The following TBC1D14 variants were observed in gnomAD, a reference collection of about 807,000 sequenced individuals.
TBC1D14 encodes the protein TBC1 domain family member 14.
Under a neutral mutation model 79.0 loss-of-function variants are expected in TBC1D14, and 26 were observed. The ratio of observed to expected loss-of-function variants is 0.33; its 90% CI spans 0.24 to 0.46. The LOEUF is 0.46. Among genes scored for constraint, TBC1D14 ranks in the 20% least tolerant of loss-of-function variants. The probability of loss-of-function intolerance (pLI) is 1.00; values close to 1 mark genes in which losing one functional copy is unlikely to be tolerated. For synonymous variants in TBC1D14, 394 were observed against 349.9 expected (o/e 1.13, Z -1.40); for missense variants, 769 against 887.6 (o/e 0.87, Z 1.70).
At position 6,923,464 on chromosome 4, in the gene TBC1D14, C is replaced by G; in HGVS notation, c.75C>G (p.Asn25Lys). ...GTATTCTGGATGGTCGACCAGGAAA[C>G]CCCCTTCAGAACCTGCAACACGTCA... Reference protein sequence around the residue: ...FMGILDGRPGNPLQNLQHVNL... With the variant: ...FMGILDGRPGKPLQNLQHVNL... The change falls in exon 2 of 14, where the codon AAC becomes AAG. Residue 25 changes from asparagine to lysine, a missense_variant. By Grantham distance (94) the Asn-to-Lys change is moderately conservative. Coordinates refer to ENST00000409757, the MANE Select transcript of TBC1D14 (RefSeq NM_020773.3). 6.2e-7 allele frequency: 1 copy of G among 1,614,172 alleles called. No individual in the cohort carries two copies. The highest frequency in any genetic ancestry group is 8.5e-7 in the Non-Finnish European group (1 of 1,180,036).
intron 12 of TBC1D14, among the ~76,000 whole-genome samples, chr4:7,024,459 C>T (rs1026265064): frequency 2.6e-5 from 4 of 152,146 alleles, no homozygotes; most frequent in African/African-American, 4.8e-5. Flanking sequence ...GCAGACAGGG[C>T]GTTGGAATTC....
intron 1 of TBC1D14, among the ~76,000 whole-genome samples, chr4:6,921,080 A>G (rs1251768856): frequency 6.6e-6 from 1 of 152,176 alleles, no homozygotes; most frequent in African/African-American, 2.4e-5. Flanking sequence ...GCACCCGGCC[A>G]TTTTAAAGAA....
At chr4:6,971,487 G>A (rs1287386390) in intron 3 of TBC1D14, among the ~76,000 whole-genome samples, 1 of 152,198 alleles carries the variant, frequency 6.6e-6, no homozygotes, top group Admixed American at 6.5e-5. Flanking sequence ...CTATTTTGGG[G>A]AAATATTGAA....
chr4:7,011,051 TGAAG>T (rs1282529234), intron 11 of TBC1D14, among the ~76,000 whole-genome samples: 2 of 152,198 alleles, frequency 1.3e-5, no homozygotes, highest in Admixed American at 1.3e-4. Flanking sequence ...ATTCTTTTAA[TGAAG>T]GAAGAAGTGT....
intron 1 of TBC1D14, among the ~76,000 whole-genome samples, chr4:6,915,269 C>G (rs188926750): frequency 6.6e-6 from 1 of 152,196 alleles, no homozygotes; most frequent in Non-Finnish European, 1.5e-5. Context: ...CACCAGGAAA[C>G]ATGGGGGACC....
rs199975135 is a variant in TBC1D14 at position 7,001,145 on chromosome 4, G to A, written c.1164G>A (p.Met388Ile). ...AACTCCTGCTTCTGTTTTTGTCCAG[G>A]TGGTGCTCTAGAAAAGTTCGAGATT... ...NNEILPNWET[M>I]WCSRKVRDLW... The change falls in exon 7 of 14, where the codon ATG (methionine) becomes ATA (isoleucine). Residue 388 changes from methionine (M) to isoleucine (I), a missense_variant and splice_region_variant. Met to Ile is a conservative substitution (Grantham distance 10). Transcript: ENST00000409757. 5.6e-6 allele frequency: 9 copies of A among 1,613,778 alleles called. No homozygotes were observed. The highest frequency in any genetic ancestry group is 7.6e-6 in the Non-Finnish European group (9 of 1,179,842).
chr4:6,930,714 C>T (rs1711641017), intron 2 of TBC1D14, among the ~76,000 whole-genome samples: 1 of 151,314 alleles, frequency 6.6e-6, no homozygotes, highest in Non-Finnish European at 1.5e-5. Flanking sequence ...AGGAGAATGG[C>T]TTGAATCTGA....
intron 3 of TBC1D14, among the ~76,000 whole-genome samples, chr4:6,993,564 T>A (rs1577136953): frequency 6.6e-6 from 1 of 152,196 alleles, no homozygotes; most frequent in Admixed American, 6.5e-5. Context: ...AGAGAAAACA[T>A]GCCTGTTACC....
intron 2 of TBC1D14, among the ~76,000 whole-genome samples, chr4:6,939,876 G>A (rs921820451): frequency 3.3e-5 from 5 of 152,218 alleles, no homozygotes; most frequent in African/African-American, 4.8e-5. Context: ...CGGGTGAAGC[G>A]TGTTCTTCCG....
At chr4:6,960,080 C>CTT (rs1286524254) in intron 2 of TBC1D14, among the ~76,000 whole-genome samples, 1 of 105,468 alleles carries the variant, frequency 9.5e-6, no homozygotes, top group Admixed American at 1.0e-4. Context: ...ACCCTGTGCC[C>CTT]CTTTTTTTTT....
intron 12 of TBC1D14, among the ~76,000 whole-genome samples, chr4:7,021,105 T>C (rs1442247906): frequency 6.6e-6 from 1 of 152,194 alleles, no homozygotes; most frequent in Non-Finnish European, 1.5e-5. Context: ...TACCCCATGG[T>C]GCTTCCTTGC....
intron 3 of TBC1D14, among the ~76,000 whole-genome samples, chr4:6,986,587 G>C (rs1044057701): frequency 2.6e-5 from 4 of 152,242 alleles, no homozygotes; most frequent in African/African-American, 9.6e-5. Flanking sequence ...CCCGTCACGG[G>C]AGAGCCTCGT....
At chr4:6,996,196 T>A (rs1719026830) in intron 4 of TBC1D14, 129 bp from the exon 5 acceptor site, 1 of 698,524 alleles carries the variant, frequency 1.4e-6, no homozygotes, top group Admixed American at 2.8e-5. Flanking sequence ...GAAAGAACTG[T>A]GTAATCTTAA....
intron 2 of TBC1D14, among the ~76,000 whole-genome samples, chr4:6,952,211 T>G (rs745408626): frequency 2.0e-5 from 3 of 152,192 alleles, no homozygotes; most frequent in Non-Finnish European, 4.4e-5. Flanking sequence ...TCGGAGCCAC[T>G]GCAGGGCTCG....
Position 7,010,758 on chromosome 4 carries a change from T to G in TBC1D14, c.1624T>G (p.Phe542Val). The G allele has an allele frequency of 6.2e-7, 1 of 1,613,804 alleles. No homozygotes were observed. Among genetic ancestry groups the G allele is most frequent in the South Asian group, 1.1e-5 (1 of 91,020 alleles). ...TCTGAATAAACCCTGTCAAATGGCG[T>G]TTTTTAGAGTGGACCATGGCCTTGT... ...NLLNKPCQMAFFRVDHGLMLT... is the reference protein window; with the variant it reads ...NLLNKPCQMAVFRVDHGLMLT... Residue 542 changes from phenylalanine to valine, a missense_variant, in exon 11 of 14, where the codon TTT becomes GTT. Physicochemically the swap from Phe to Val is conservative, Grantham distance 50. Around this residue, in one of 2 missense-constraint regions of TBC1D14, gnomAD observed 367 missense variants for 494.4 expected, o/e 0.74. Transcript: ENST00000409757.
At chr4:7,027,102 T>C (rs1460283923) in intron 13 of TBC1D14, among the ~76,000 whole-genome samples, 1 of 151,950 alleles carries the variant, frequency 6.6e-6, no homozygotes, top group African/African-American at 2.4e-5. Flanking sequence ...TCCCAGCTAC[T>C]CGGGAGGCTG....
chr4:6,977,729 A>C (rs9715197), intron 3 of TBC1D14, among the ~76,000 whole-genome samples: 88 of 4,690 alleles, frequency 0.019, no homozygotes, highest in African/African-American at 0.03. Context: ...CGTCTCTGCC[A>C]GGCCGCCATC....
intron 2 of TBC1D14, among the ~76,000 whole-genome samples, chr4:6,945,305 A>G (rs1238626591): frequency 6.6e-6 from 1 of 152,156 alleles, no homozygotes; most frequent in African/African-American, 2.4e-5. Context: ...GAACAAGAAG[A>G]TAATAGGAGA....
chr4:6,942,410 C>T (rs149751762), intron 2 of TBC1D14, among the ~76,000 whole-genome samples: 1 of 152,140 alleles, frequency 6.6e-6, no homozygotes, highest in East Asian at 1.9e-4. Context: ...CTCAAGAATC[C>T]TGTAAGATTC....
Sources: gnomAD v4.1 joint callset for allele counts (sites outside exome capture counted in the v4.1 genomes callset) on GRCh38, gnomAD v4.1.1 for gene constraint, gnomAD v4.1.1 regional missense constraint, MANE v1.5 for transcripts, NCBI Gene and HGNC (gene_info 2026-07-23, HGNC 2026-07-21) for gene names.